Variants in SLIT3 observed in about 807,000 individuals in gnomAD.
The protein encoded by SLIT3 is slit homolog 3 protein.
In SLIT3, 68 loss-of-function variants were observed where a neutral mutation model predicts 184.0. That is an observed-to-expected ratio of 0.37 (90% CI 0.30 to 0.45). The LOEUF (loss-of-function observed/expected upper bound fraction) is 0.45. SLIT3 is among the 20% of genes least tolerant of loss of function. The pLI is 1.00. For missense variants in SLIT3, 1,707 were observed against 2,026.0 expected, an observed-to-expected ratio of 0.84 and a Z score of 3.02; for synonymous variants, 831 against 828.6, an observed-to-expected ratio of 1.00 and a Z score of -0.05.
chr5:169,156,651 A>C (rs1315929457), intron 4 of SLIT3, among the ~76,000 whole-genome samples: 1 of 152,256 alleles, frequency 6.6e-6, no homozygotes, highest in Non-Finnish European at 1.5e-5. Flanking sequence ...GTAATCATAC[A>C]TGAGCAAACG....
chr5:168,958,649 C>T (rs975784473), intron 4 of SLIT3, among the ~76,000 whole-genome samples: 1 of 152,198 alleles, frequency 6.6e-6, no homozygotes, highest in African/African-American at 2.4e-5. Flanking sequence ...ATCTTTGACA[C>T]AATCCATGAC....
At chr5:169,108,697 C>G (rs1386114629) in intron 4 of SLIT3, among the ~76,000 whole-genome samples, 1 of 152,110 alleles carries the variant, frequency 6.6e-6, no homozygotes, top group African/African-American at 2.4e-5. Context: ...ACATGCCATA[C>G]TTCAGAAGGA....
At chr5:168,668,106 A>G (rs1761114562) in intron 35 of SLIT3, among the ~76,000 whole-genome samples, 1 of 152,194 alleles carries the variant, frequency 6.6e-6, no homozygotes, top group Non-Finnish European at 1.5e-5. Flanking sequence ...GGTGGCAGGG[A>G]GCAAGACTTC....
chr5:168,708,344 C>A, intron 25 of SLIT3: 1 of 576,228 alleles, frequency 1.7e-6, no homozygotes, highest in South Asian at 2.1e-5. Flanking sequence ...GCAGTCAAAT[C>A]AATTACTGTA....
intron 4 of SLIT3, among the ~76,000 whole-genome samples, chr5:169,173,508 C>T (rs1344850336): frequency 6.6e-6 from 1 of 152,174 alleles, no homozygotes. Flanking sequence ...TCTCCTAGAT[C>T]TGAAAACAAG....
Position 168,673,261 on chromosome 5 carries a change from C to G in SLIT3, c.3757G>C (p.Val1253Leu). The change falls in exon 33 of 36, where the codon GTA becomes CTA. Residue 1253 changes from valine to leucine, a missense_variant. Physicochemically the swap from Val to Leu is conservative, Grantham distance 32. Transcript: ENST00000519560. ...LVTLNQTLNL[V>L]VDKGTPKSLG... ...CTCTTTGGAGTTCCTTTGTCCACTA[C>G]TAGGTTCAGGGTCTGGTTTAGCGTC... The G allele has an allele frequency of 6.2e-7, 1 of 1,614,134 alleles. No homozygotes were observed. The highest frequency in any genetic ancestry group is 8.5e-7 in the Non-Finnish European group (1 of 1,180,034).
At chr5:169,096,847 G>A (rs1759805113) in intron 4 of SLIT3, among the ~76,000 whole-genome samples, 1 of 152,210 alleles carries the variant, frequency 6.6e-6, no homozygotes, top group Non-Finnish European at 1.5e-5. Flanking sequence ...AGCTGGTAAT[G>A]AGTGGAGCTG....
intron 1 of SLIT3, among the ~76,000 whole-genome samples, chr5:169,271,077 C>T (rs191031280): frequency 3.0e-4 from 45 of 152,264 alleles, no homozygotes; most frequent in Non-Finnish European, 5.7e-4. Context: ...ACCTGGAGTA[C>T]ATCATGTGAA....
At chr5:168,803,323 A>G (rs926534339) in intron 9 of SLIT3, among the ~76,000 whole-genome samples, 21 of 152,248 alleles carry the variant, frequency 1.4e-4, no homozygotes, top group African/African-American at 4.8e-4. Context: ...TTTTTGCTCA[A>G]TAGAAAAATA....
intron 1 of SLIT3, among the ~76,000 whole-genome samples, chr5:169,263,362 G>A (rs1363454861): frequency 6.6e-6 from 1 of 151,896 alleles, no homozygotes; most frequent in African/African-American, 2.4e-5. Context: ...AAGACGACGA[G>A]ACAGACATGC....
chr5:168,935,828 G>T (rs1021961102), intron 4 of SLIT3, among the ~76,000 whole-genome samples: 3 of 152,176 alleles, frequency 2.0e-5, no homozygotes, highest in African/African-American at 7.2e-5. Context: ...AGACAACTGT[G>T]GTACGGTTTC....
chr5:168,980,500 A>G (rs1222062746), intron 4 of SLIT3, among the ~76,000 whole-genome samples: 2 of 152,206 alleles, frequency 1.3e-5, no homozygotes, highest in African/African-American at 4.8e-5. Context: ...AAGGTCACCC[A>G]GCTTGGTAAG....
intron 23 of SLIT3, among the ~76,000 whole-genome samples, chr5:168,713,441 T>A (rs1366735502): frequency 6.6e-6 from 1 of 152,132 alleles, no homozygotes; most frequent in East Asian, 1.9e-4. Context: ...ATATTCTCCA[T>A]TAAAGGATTA....
intron 1 of SLIT3, among the ~76,000 whole-genome samples, chr5:169,286,810 G>A (rs1323552381): frequency 6.6e-6 from 1 of 152,212 alleles, no homozygotes; most frequent in Non-Finnish European, 1.5e-5. Context: ...GTGAAATGCT[G>A]TTTTGCAATG....
At chr5:169,062,179 G>A (rs992221565) in intron 4 of SLIT3, among the ~76,000 whole-genome samples, 2 of 152,052 alleles carry the variant, frequency 1.3e-5, no homozygotes, top group Admixed American at 1.3e-4. Flanking sequence ...GCGAGACTCT[G>A]TCTCAGCAAA....
intron 4 of SLIT3, among the ~76,000 whole-genome samples, chr5:169,006,003 C>T (rs1205723320): frequency 6.6e-6 from 1 of 152,220 alleles, no homozygotes; most frequent in African/African-American, 2.4e-5. Context: ...CAGGCAATTC[C>T]TCAGTGCCAG....
At chr5:168,867,906 T>C (rs1759366449) in intron 5 of SLIT3, among the ~76,000 whole-genome samples, 1 of 152,156 alleles carries the variant, frequency 6.6e-6, no homozygotes, top group Non-Finnish European at 1.5e-5. Context: ...CTCACCCCAG[T>C]GACTGGGAGG....
At chr5:168,733,664 A>G (rs544079731) in intron 20 of SLIT3, among the ~76,000 whole-genome samples, 3 of 152,278 alleles carry the variant, frequency 2.0e-5, no homozygotes, top group African/African-American at 7.2e-5. Context: ...GCATTAGGAC[A>G]AATACCTAAT....
intron 4 of SLIT3, among the ~76,000 whole-genome samples, chr5:169,075,672 T>C (rs539679420): frequency 6.6e-6 from 1 of 152,348 alleles, no homozygotes; most frequent in African/African-American, 2.4e-5. Flanking sequence ...GCTTCTTATA[T>C]GCAGATAGAA....
Sources: allele counts gnomAD v4.1 joint callset (sites outside exome capture counted in the v4.1 genomes callset), GRCh38; gene constraint gnomAD v4.1.1; transcripts MANE v1.5; gene names NCBI Gene and HGNC (gene_info 2026-07-23, HGNC 2026-07-21).